Variants in IGDCC3 observed in about 807,000 individuals in gnomAD.
The protein encoded by IGDCC3 is immunoglobulin superfamily DCC subclass member 3.
A neutral mutation model predicts 72.0 loss-of-function variants in IGDCC3; 47 were observed. The ratio of observed to expected loss-of-function variants is 0.65; its 90% CI spans 0.52 to 0.83. The LOEUF is 0.83. Among genes scored for constraint, IGDCC3 ranks in the 40% least tolerant of loss-of-function variants. The probability of loss-of-function intolerance (pLI) is 0.00; values close to 1 mark genes in which losing one functional copy is unlikely to be tolerated. For synonymous variants in IGDCC3, 477 were observed against 472.8 expected (o/e 1.01, Z -0.11); for missense variants, 1,038 against 1,091.3 (o/e 0.95, Z 0.69).
intron 2 of IGDCC3, among the ~76,000 whole-genome samples, chr15:65,373,056 T>G (rs957975883): frequency 5.3e-5 from 8 of 152,288 alleles, no homozygotes; most frequent in African/African-American, 1.9e-4. Flanking sequence ...GTTAGGAGTT[T>G]AAGGAAACCA....
At chr15:65,335,748 C>T (rs1308095337) in intron 3 of IGDCC3, 64 bp downstream of exon 3, 17 of 1,584,388 alleles carry the variant, frequency 1.1e-5, no homozygotes, top group Non-Finnish European at 1.3e-5. Flanking sequence ...GGCCATCCTT[C>T]TCTACGGCCA....
chr15:65,334,299 G>A (rs565622358), intron 5 of IGDCC3, among the ~76,000 whole-genome samples: 8 of 152,268 alleles, frequency 5.3e-5, no homozygotes, highest in East Asian at 1.9e-4. Context: ...AGATTGGGGG[G>A]GCCCAGAGTG....
chr15:65,331,024 T>C (rs372384897), intron 9 of IGDCC3, 26 bp downstream of exon 9: 66 of 1,609,890 alleles, frequency 4.1e-5, no homozygotes, highest in Non-Finnish European at 4.9e-5. Flanking sequence ...GTGCCTGTGG[T>C]TTTGTGCTCC....
At chr15:65,363,829 A>G (rs1016321917) in intron 2 of IGDCC3, among the ~76,000 whole-genome samples, 2 of 152,116 alleles carry the variant, frequency 1.3e-5, no homozygotes, top group East Asian at 1.9e-4. Context: ...GGAGGGGGGA[A>G]TTTGTCTTTC....
intron 2 of IGDCC3, among the ~76,000 whole-genome samples, chr15:65,360,659 T>G (rs2091254485): frequency 6.6e-6 from 1 of 152,238 alleles, no homozygotes; most frequent in Non-Finnish European, 1.5e-5. Context: ...AAGTGTTTGT[T>G]GCAAGCCAAA....
chr15:65,361,018 C>T (rs2091256777), intron 2 of IGDCC3, among the ~76,000 whole-genome samples: 1 of 151,936 alleles, frequency 6.6e-6, no homozygotes, highest in African/African-American at 2.4e-5. Context: ...TCAAATGATA[C>T]ACCTGCCTCA....
At chr15:65,334,596 G>A (rs1031445923) in intron 5 of IGDCC3, 132 bp downstream of exon 5, 1 of 855,432 alleles carries the variant, frequency 1.2e-6, no homozygotes, top group East Asian at 2.9e-5. Context: ...CAGGTCACAG[G>A]GATAGAATGG....
At chr15:65,356,197 C>T (rs1049199898) in intron 2 of IGDCC3, 2 of 160,292 alleles carry the variant, frequency 1.2e-5, no homozygotes, top group Non-Finnish European at 2.7e-5. Context: ...ATTTACATAC[C>T]TTAGTGCCCA....
chr15:65,330,934 C>T, intron 9 of IGDCC3, 116 bp downstream of exon 9: 1 of 1,260,064 alleles, frequency 7.9e-7, no homozygotes, highest in Non-Finnish European at 1.1e-6. Flanking sequence ...TCAGCCCTGA[C>T]AGCCTCAGGG....
At chr15:65,358,048 G>A (rs1322642521) in intron 2 of IGDCC3, among the ~76,000 whole-genome samples, 1 of 151,320 alleles carries the variant, frequency 6.6e-6, no homozygotes, top group Non-Finnish European at 1.5e-5. Flanking sequence ...CATTTCTAGA[G>A]AGAAAAAAGA....
chr15:65,365,937 G>C (rs939365115), intron 2 of IGDCC3, among the ~76,000 whole-genome samples: 1 of 152,220 alleles, frequency 6.6e-6, no homozygotes, highest in African/African-American at 2.4e-5. Context: ...GCCGGGTGCA[G>C]TGGCTCATGC....
In IGDCC3 at chr15:65,334,884, A is replaced by G. The variant is rs765149598; in HGVS notation, c.686-19T>C. On this transcript the variant is annotated intron_variant, in intron 4 of 13. Coordinates refer to ENST00000327987, the MANE Select transcript of IGDCC3 (RefSeq NM_004884.4). ...CCCGAGCCTGGGAGGAAGACGCCAC[A>G]TATCCTCACTTCAGCTGGGGACTTT... The G allele has an allele frequency of 3.1e-6, 5 of 1,606,168 alleles. No individual in the cohort carries two copies. The Admixed American group carries it at 6.8e-5, about 22-fold the overall frequency.
chr15:65,370,224 T>A (rs1490734065), intron 2 of IGDCC3, among the ~76,000 whole-genome samples: 1 of 151,998 alleles, frequency 6.6e-6, no homozygotes, highest in African/African-American at 2.4e-5. Flanking sequence ...TAGTTAATAT[T>A]ATTAGTACCT....
At chr15:65,358,404 C>G (rs112475284) in intron 2 of IGDCC3, among the ~76,000 whole-genome samples, 1,784 of 152,156 alleles carry the variant, frequency 0.012, 43 homozygotes, top group African/African-American at 0.041. Flanking sequence ...CTGCACGGAG[C>G]CCCAAAACCA....
intron 2 of IGDCC3, among the ~76,000 whole-genome samples, chr15:65,357,282 T>C (rs1033318644): frequency 6.6e-6 from 1 of 152,250 alleles, no homozygotes; most frequent in African/African-American, 2.4e-5. Context: ...TCCAGTGTTC[T>C]ATCAGATTTA....
At chr15:65,338,020 T>C (rs2091046095) in intron 2 of IGDCC3, among the ~76,000 whole-genome samples, 1 of 152,186 alleles carries the variant, frequency 6.6e-6, no homozygotes, top group Admixed American at 6.5e-5. Context: ...GGCTGCCTCT[T>C]ATCAGGGCGC....
At chr15:65,368,164 ACAC>A (rs2091300400) in intron 2 of IGDCC3, among the ~76,000 whole-genome samples, 2 of 28,712 alleles carry the variant, frequency 7.0e-5, no homozygotes, top group African/African-American at 1.2e-4. Flanking sequence ...TTTCACTCAC[ACAC>A]ACACACACAC....
At position 65,331,076 on chromosome 15, in the gene IGDCC3, G is replaced by A. The variant is rs1286596570; in HGVS notation, c.1535C>T (p.Pro512Leu). 3.7e-6 allele frequency: 6 copies of A among 1,613,932 alleles called. No homozygotes were observed. The highest frequency in any genetic ancestry group is 2.7e-5 in the African/African-American group (2 of 74,928). The change falls in exon 9 of 14, where the codon CCC becomes CTC. Residue 512 changes from proline (P) to leucine (L), a missense_variant. By Grantham distance (98) the Pro-to-Leu change is moderately conservative. Transcript: ENST00000327987. ...TPRGASSASV[P>L]TLASTLGEAP... ...TTCACCCAGGGTGCTAGCTAGGGTGGGCACAGAGGCTGAGCTGGCCCCCCT... is the reference window on the plus strand; with the variant it reads ...TTCACCCAGGGTGCTAGCTAGGGTGAGCACAGAGGCTGAGCTGGCCCCCCT...
chr15:65,331,650 G>A lies in IGDCC3; in HGVS notation c.1158C>T (p.Thr386=). Residue 386 remains threonine, a synonymous_variant, in exon 8 of 14, where the codon ACC becomes ACT. Transcript: ENST00000327987. ...CATCCTCAGGACCGATTCCAGAAAT[G>A]GTCAGTGTGCTGCAGGGGAGAGAGA... ...VRLKNNNSTL[T]ISGIGPEDEA... is the part of the protein sequence containing the mutation. 6.2e-7 allele frequency: 1 copy of A among 1,604,668 alleles called. No homozygotes were observed. Among genetic ancestry groups the A allele is most frequent in the Non-Finnish European group, 8.5e-7 (1 of 1,173,932 alleles).
Sources: gnomAD v4.1 joint callset for allele counts (sites outside exome capture counted in the v4.1 genomes callset) on GRCh38, gnomAD v4.1.1 for gene constraint, MANE v1.5 for transcripts, NCBI Gene and HGNC (gene_info 2026-07-23, HGNC 2026-07-21) for gene names.